HERC4: variants seen among roughly 807,000 people sequenced by gnomAD.
The protein encoded by HERC4 is probable E3 ubiquitin-protein ligase HERC4.
In HERC4, 28 loss-of-function variants were observed where a neutral mutation model predicts 124.3. That is an observed-to-expected ratio of 0.23 (90% CI 0.17 to 0.31). The LOEUF (loss-of-function observed/expected upper bound fraction) is 0.31, where lower values mean the gene tolerates loss of function less well. HERC4 is among the 10% of genes least tolerant of loss of function. The probability of loss-of-function intolerance (pLI) is 1.00; values close to 1 mark genes in which losing one functional copy is unlikely to be tolerated. For missense variants in HERC4, 713 were observed against 1,229.3 expected (o/e 0.58, Z 6.28); for synonymous variants, 407 against 421.5 (o/e 0.97, Z 0.42).
intron 15 of HERC4, among the ~76,000 whole-genome samples, chr10:67,981,278 A>G (rs530699546): frequency 6.6e-6 from 1 of 152,364 alleles, no homozygotes; most frequent in African/African-American, 2.4e-5. Context: ...AAGTGTAAGA[A>G]GAGACAAAGA....
chr10:67,940,427 CT>C (rs921749794), intron 20 of HERC4, among the ~76,000 whole-genome samples: 14 of 146,328 alleles, frequency 9.6e-5, no homozygotes, highest in Non-Finnish European at 9.1e-5. Flanking sequence ...TTTAGTCTTT[CT>C]TTTTTTTTTG....
chr10:68,013,910 G>C lies in HERC4; in HGVS notation c.1069+116C>G, dbSNP rs2038115379. 3.5e-6 allele frequency: 3 copies of C among 860,530 alleles called. No homozygotes were observed. The African/African-American group carries it at 5.1e-5, about 15-fold the overall frequency. 53.3% of individuals were successfully genotyped at this position (860,530 alleles called of 1,614,324 possible). Reference sequence around the variant, plus strand: ...CATATACATTGTTCTATATTTTGCTGTTTTCACTTAACAATGTATCTTGGA... The same window carrying C: ...CATATACATTGTTCTATATTTTGCTCTTTTCACTTAACAATGTATCTTGGA... On this transcript the variant is annotated intron_variant, in intron 9 of 24. Coordinates refer to ENST00000373700, the MANE Select transcript of HERC4 (RefSeq NM_015601.4).
Position 68,052,499 on chromosome 10 carries a change from G to A in HERC4, c.227-7936C>T, listed in dbSNP as rs909614997. ...CCAACTTCAGTGTTTGTTTGCTTAC[G>A]AACTACATCAAGTACATTTTTCTGC... On this transcript the variant is annotated intron_variant, in intron 3 of 24. Transcript: ENST00000373700. Among the ~76,000 whole-genome samples the A allele has an allele frequency of 2.6e-5, 4 of 151,626 alleles. No individual in the cohort carries two copies. In the East Asian group the frequency reaches 5.8e-4, roughly 22 times the overall value.
chr10:67,986,658 T>A (rs2036278204), intron 15 of HERC4, among the ~76,000 whole-genome samples: 1 of 152,106 alleles, frequency 6.6e-6, no homozygotes, highest in African/African-American at 2.4e-5. Context: ...GCCCAGCCCA[T>A]ACTGTATAAT....
In HERC4 at chr10:67,974,073, T is replaced by TATAC. The variant is rs1382393611; in HGVS notation, c.1807-7272_1807-7271insGTAT. Reference sequence around the variant, plus strand: ...AAAAAAAAAAAAAAAAAAATTACTGTACACACACACACACACACACACACA... The same window carrying TATAC: ...AAAAAAAAAAAAAAAAAAATTACTGTATACACACACACACACACACACACACACA... On this transcript the variant is annotated intron_variant, in intron 15 of 24. Transcript: ENST00000373700. Among the ~76,000 whole-genome samples, 502 of 96,046 alleles carry TATAC rather than the reference T, an allele frequency of 5.2e-3. 15 individuals are homozygous for TATAC. The highest frequency in any genetic ancestry group is 0.018 in the African/African-American group (435 of 24,280). The allele number at this position is 96,046 out of a possible 152,430, so 63.0% of individuals were successfully genotyped here.
At chr10:68,059,533 A>ATAT (rs2040759886) in intron 3 of HERC4, among the ~76,000 whole-genome samples, 3 of 101,490 alleles carry the variant, frequency 3.0e-5, no homozygotes, top group Admixed American at 1.3e-4. Flanking sequence ...ATAATATTAT[A>ATAT]TATCATATTA....
chr10:67,935,147 A>AT (rs375653222), intron 22 of HERC4, among the ~76,000 whole-genome samples: 4,346 of 133,004 alleles, frequency 0.033, 92 homozygotes, highest in Admixed American at 0.062. Context: ...ATCGATTTAC[A>AT]TTTTTTTTTT....
At chr10:68,014,468 G>A (rs751756872) in intron 8 of HERC4, among the ~76,000 whole-genome samples, 2 of 151,934 alleles carry the variant, frequency 1.3e-5, no homozygotes, top group African/African-American at 4.8e-5. Context: ...TACAATAAAC[G>A]ATTCAGCACC....
intron 24 of HERC4, among the ~76,000 whole-genome samples, chr10:67,924,678 T>C (rs1201325677): frequency 2.0e-5 from 3 of 152,194 alleles, no homozygotes; most frequent in Non-Finnish European, 4.4e-5. Flanking sequence ...ACTATGCCAA[T>C]TTATACAAGA....
At chr10:68,021,386 A>G (rs10997907) in intron 8 of HERC4, among the ~76,000 whole-genome samples, 14,931 of 152,256 alleles carry the variant, frequency 0.098, 1,116 homozygotes, top group East Asian at 0.4. Context: ...GAAAAGACAC[A>G]CACAATCATC....
chr10:67,974,224 T>G (rs1422277066), intron 15 of HERC4, among the ~76,000 whole-genome samples: 1 of 151,398 alleles, frequency 6.6e-6, no homozygotes, highest in Admixed American at 6.6e-5. Flanking sequence ...TAACTGACAG[T>G]CATTTTCCTT....
At chr10:68,019,030 C>T (rs953733751) in intron 8 of HERC4, among the ~76,000 whole-genome samples, 4 of 122,550 alleles carry the variant, frequency 3.3e-5, no homozygotes, top group Non-Finnish European at 6.4e-5. Context: ...GAGTTTCACT[C>T]TTGTTGCCCA....
chr10:68,072,080 C>T (rs2041602924), intron 3 of HERC4, among the ~76,000 whole-genome samples: 1 of 152,150 alleles, frequency 6.6e-6, no homozygotes, highest in Non-Finnish European at 1.5e-5. Flanking sequence ...TTAAAATAAA[C>T]AGTAAGTCAG....
intron 3 of HERC4, among the ~76,000 whole-genome samples, chr10:68,062,444 C>T (rs2041073839): frequency 1.3e-5 from 2 of 152,134 alleles, no homozygotes; most frequent in African/African-American, 2.4e-5. Context: ...CATCTACCTG[C>T]TCCTTTCTTG....
chr10:67,928,899 C>T (rs976172153), intron 23 of HERC4, among the ~76,000 whole-genome samples: 6 of 151,530 alleles, frequency 4.0e-5, no homozygotes, highest in South Asian at 2.1e-4. Context: ...CCAGCCTGGG[C>T]GACAGAGCAA....
At chr10:68,029,749 T>C (rs1369262847) in intron 7 of HERC4, among the ~76,000 whole-genome samples, 1 of 149,632 alleles carries the variant, frequency 6.7e-6, no homozygotes. Context: ...ACACTTTGTT[T>C]TTTTTTTTTG....
At chr10:68,002,465 G>T (rs569872152) in intron 9 of HERC4, among the ~76,000 whole-genome samples, 60 of 151,778 alleles carry the variant, frequency 4.0e-4, no homozygotes, top group African/African-American at 1.4e-3. Flanking sequence ...TTCCAACTAA[G>T]TAGTAAATTA....
intron 9 of HERC4, chr10:67,995,371 CTT>C (rs1194750518): frequency 2.8e-6 from 1 of 363,580 alleles, no homozygotes; most frequent in African/African-American, 2.2e-5. Context: ...ATATAGTTAT[CTT>C]ATAACAGGAA....
At chr10:67,927,403 TATATATATATATATATATATATA>T (rs1408913840) in intron 23 of HERC4, among the ~76,000 whole-genome samples, 6,789 of 20,588 alleles carry the variant, frequency 0.33, 920 homozygotes, top group African/African-American at 0.44. Flanking sequence ...TATATATATA[TATATATATATATATATATATATA>T]TATATTTTTT....
Sources: allele counts gnomAD v4.1 joint callset (sites outside exome capture counted in the v4.1 genomes callset), GRCh38; gene constraint gnomAD v4.1.1; transcripts MANE v1.5; gene names NCBI Gene and HGNC (gene_info 2026-07-23, HGNC 2026-07-21).